Variants in SKOR2 observed in about 807,000 individuals in gnomAD.
SKOR2 encodes LBX1 corepressor 1-like protein.
SKOR2 carries 47 observed loss-of-function variants against 69.1 expected under a neutral mutation model. That is an observed-to-expected ratio of 0.68 (90% CI 0.54 to 0.87). The LOEUF is 0.87. Among genes scored for constraint, SKOR2 ranks in the 40% least tolerant of loss-of-function variants. The pLI is 0.00. For synonymous variants in SKOR2, 717 were observed against 672.6 expected, an observed-to-expected ratio of 1.07 and a Z score of -1.02; for missense variants, 1,404 against 1,472.2, an observed-to-expected ratio of 0.95 and a Z score of 0.76.
intron 4 of SKOR2, among the ~76,000 whole-genome samples, chr18:47,241,015 A>T (rs1041264821): frequency 2.0e-5 from 3 of 152,238 alleles, no homozygotes; most frequent in Admixed American, 2.0e-4. Flanking sequence ...ACACAGGGTT[A>T]TATAAATCTT....
intron 6 of SKOR2, among the ~76,000 whole-genome samples, chr18:47,226,136 T>C (rs1048861829): frequency 6.6e-6 from 1 of 151,880 alleles, no homozygotes; most frequent in Admixed American, 6.6e-5. Flanking sequence ...GGTTTTAAGA[T>C]GGCTAATGGG....
chr18:47,211,261 G>A (rs544091090), intron 8 of SKOR2, among the ~76,000 whole-genome samples: 11 of 152,228 alleles, frequency 7.2e-5, no homozygotes, highest in Non-Finnish European at 1.3e-4. Context: ...AAATGGCTGC[G>A]GTCCTAGCTG....
Position 47,247,852 on chromosome 18 carries a change from C to CGCGCCCGCGCCGCCT in SKOR2, c.1317_1331dup (p.Gly440_Ala444dup). On this transcript the variant is annotated inframe_insertion, in exon 2 of 9. Coordinates refer to ENST00000425639, the MANE Select transcript of SKOR2 (RefSeq NM_001278063.4). This position sits in a 1 kb window ranked among gnomAD's most constrained non-coding sequence, Gnocchi z 6.6. Reference sequence around the variant, plus strand: ...GGCCGGACAAGCCGGCCTTGGGCGCCGCGCCCGCGCCGCCTGCGCCCGCGC... The same window carrying CGCGCCCGCGCCGCCT: ...GGCCGGACAAGCCGGCCTTGGGCGCCGCGCCCGCGCCGCCTGCGCCCGCGCCGCCTGCGCCCGCGC... 1.5e-6 allele frequency: 2 copies of CGCGCCCGCGCCGCCT among 1,359,170 alleles called. No homozygotes were observed. The highest frequency in any genetic ancestry group is 1.9e-6 in the Non-Finnish European group (2 of 1,066,218). 84.2% of individuals were successfully genotyped at this position (1,359,170 alleles called of 1,614,324 possible). A position where few individuals can be genotyped will look rare whatever the true frequency, so the allele number is the denominator to read the frequency against.
chr18:47,246,707 A>C lies in SKOR2; in HGVS notation c.2477T>G (p.Leu826Arg). The change falls in exon 2 of 9, where the codon CTC becomes CGC. Residue 826 changes from leucine to arginine, a missense_variant. Physicochemically the swap from Leu to Arg is moderately radical, Grantham distance 102. Coordinates refer to ENST00000425639, the MANE Select transcript of SKOR2 (RefSeq NM_001278063.4). ...GGGCAGGTCCGAGCCGGGGTCCCCG[A>C]GTTTCCCGTCTTCCTGCAGCAGCCT... ...SSRLLQEDGK[L>R]GDPGSDLPPP... 6.9e-7 allele frequency: 1 copy of C among 1,450,616 alleles called. No homozygotes were observed. Among genetic ancestry groups the C allele is most frequent in the Non-Finnish European group, 9.0e-7 (1 of 1,115,834 alleles). 89.9% of individuals were successfully genotyped at this position (1,450,616 alleles called of 1,614,324 possible).
chr18:47,216,037 T>C (rs114617053), intron 7 of SKOR2, among the ~76,000 whole-genome samples: 2,924 of 152,310 alleles, frequency 0.019, 90 homozygotes, highest in African/African-American at 0.067. Flanking sequence ...TTCCAGTCCT[T>C]GGAAAAACTT....
rs2144520304 is a variant in SKOR2 at position 47,248,830 on chromosome 18, G to T, written c.354C>A (p.Ile118=). The stretch of plus-strand genomic sequence containing the variant: ...ACAGACGCTCGGCCTCGCGTTTGGT[G>T]ATCATGCCGCAGCGGCGCGATGAGA... ...MPISSRRCGM[I]TKREAERLCK... is the part of the protein sequence containing the mutation. The change falls in exon 2 of 9, where the codon ATC becomes ATA. Residue 118 remains isoleucine (I), a synonymous_variant. Coordinates refer to ENST00000425639, the MANE Select transcript of SKOR2 (RefSeq NM_001278063.4). The surrounding 1 kb of genome is among the most constrained non-coding windows in gnomAD (Gnocchi z 6.4). 1.9e-6 allele frequency: 3 copies of T among 1,560,474 alleles called. No individual in the cohort carries two copies. The highest frequency in any genetic ancestry group is 2.6e-6 in the Non-Finnish European group (3 of 1,160,714).
At chr18:47,250,495 T>G (rs2144522376) in intron 1 of SKOR2, among the ~76,000 whole-genome samples, 1 of 152,372 alleles carries the variant, frequency 6.6e-6, no homozygotes, top group East Asian at 1.9e-4. Context: ...GGCCAAGGCA[T>G]GCTTTGCCCT....
chr18:47,212,049 G>C (rs747555925), intron 8 of SKOR2, 37 bp downstream of exon 8: 28 of 1,229,108 alleles, frequency 2.3e-5, no homozygotes, highest in Non-Finnish European at 2.8e-5. Context: ...CAACAATACA[G>C]AGAGTTAAGA....
chr18:47,221,904 A>G (rs2064162807), intron 6 of SKOR2, among the ~76,000 whole-genome samples: 1 of 152,204 alleles, frequency 6.6e-6, no homozygotes, highest in Non-Finnish European at 1.5e-5. Context: ...ATTATCCACC[A>G]GCAGGTTGAG....
At chr18:47,216,100 A>G (rs1938042798) in intron 7 of SKOR2, among the ~76,000 whole-genome samples, 1 of 152,208 alleles carries the variant, frequency 6.6e-6, no homozygotes, top group Admixed American at 6.5e-5. Flanking sequence ...TCTTCAGCCT[A>G]AGGACTGTTA....
intron 4 of SKOR2, among the ~76,000 whole-genome samples, chr18:47,239,600 G>A (rs16950348): frequency 0.095 from 14,516 of 152,188 alleles, 803 homozygotes; most frequent in East Asian, 0.14. Flanking sequence ...AAGCTCTTGA[G>A]TTTTAGAACT....
At chr18:47,240,185 C>A (rs2064242718) in intron 4 of SKOR2, among the ~76,000 whole-genome samples, 1 of 152,142 alleles carries the variant, frequency 6.6e-6, no homozygotes, top group African/African-American at 2.4e-5. Flanking sequence ...CAGCCATGCT[C>A]ACACTGCAAT....
intron 6 of SKOR2, among the ~76,000 whole-genome samples, chr18:47,227,326 A>ATTTTT (rs778462203): frequency 1.2e-4 from 11 of 91,130 alleles, no homozygotes; most frequent in African/African-American, 2.2e-4. Context: ...CAAGAAGCCA[A>ATTTTT]TTTTTTTTTT....
intron 7 of SKOR2, among the ~76,000 whole-genome samples, chr18:47,218,117 T>C (rs1016225849): frequency 9.9e-5 from 15 of 152,148 alleles, no homozygotes; most frequent in Admixed American, 6.5e-5. Context: ...CCTCTTTTAC[T>C]AAAGAAACCA....
chr18:47,245,495 T>TTTTTTTTTTTTTTA lies in SKOR2; in HGVS notation c.2677+2_2677+3insTAAAAAAAAAAAAA. On this transcript the variant is annotated splice_region_variant and intron_variant, in intron 3 of 8. Coordinates refer to ENST00000425639, the MANE Select transcript of SKOR2 (RefSeq NM_001278063.4). The stretch of plus-strand genomic sequence containing the variant: ...GGCAGCTGATTTTTTTTTTTTTTTT[T>TTTTTTTTTTTTTTA]ACCTGAAAAGCTGTTGTCATCCTTT... The TTTTTTTTTTTTTTA allele has an allele frequency of 1.4e-5, 20 of 1,470,210 alleles. No individual in the cohort carries two copies. The highest frequency in any genetic ancestry group is 1.6e-5 in the Non-Finnish European group (18 of 1,116,432). 91.1% of individuals were successfully genotyped at this position (1,470,210 alleles called of 1,614,324 possible).
chr18:47,227,420 C>T (rs2144492346), intron 6 of SKOR2, among the ~76,000 whole-genome samples: 1 of 148,930 alleles, frequency 6.7e-6, no homozygotes, highest in Admixed American at 6.8e-5. Context: ...TCACTGCAAC[C>T]TCTGCCTCCC....
intron 4 of SKOR2, 172 bp from the exon 5 acceptor site, chr18:47,231,172 AC>A (rs757848870): frequency 3.2e-4 from 491 of 1,535,878 alleles, no homozygotes; most frequent in Non-Finnish European, 4.0e-4. Context: ...CTCCTGAAAC[AC>A]GGAGGGGAGG....
rs1377684941 is a variant in SKOR2 at position 47,206,912 on chromosome 18, T to C, written c.*4-20A>G. 2.6e-5 allele frequency: 4 copies of C among 152,192 alleles called. No individual in the cohort carries two copies. Among genetic ancestry groups the C allele is most frequent in the Non-Finnish European group, 5.9e-5 (4 of 68,054 alleles). 9.4% of individuals were successfully genotyped at this position (152,192 alleles called of 1,614,324 possible). A position where few individuals can be genotyped will look rare whatever the true frequency, so the allele number is the denominator to read the frequency against. ...GTGCACCTGGGATAAGACAAAAGCATAGAATGACAAGCTGAACCTAATATA... is the reference window on the plus strand; with the variant it reads ...GTGCACCTGGGATAAGACAAAAGCACAGAATGACAAGCTGAACCTAATATA... On this transcript the variant is annotated intron_variant, in intron 8 of 8. Transcript: ENST00000425639.
At chr18:47,231,174 G>T (rs1281137862) in intron 4 of SKOR2, 174 bp from the exon 5 acceptor site, 2 of 1,535,838 alleles carry the variant, frequency 1.3e-6, no homozygotes, top group Non-Finnish European at 1.7e-6. Flanking sequence ...CCTGAAACAC[G>T]GAGGGGAGGT....
Sources: allele counts gnomAD v4.1 joint callset (sites outside exome capture counted in the v4.1 genomes callset), GRCh38; gene constraint gnomAD v4.1.1; non-coding constraint Gnocchi (gnomAD v3.1); transcripts MANE v1.5; gene names NCBI Gene and HGNC (gene_info 2026-07-23, HGNC 2026-07-21).